CELF4: variants seen among roughly 807,000 people sequenced by gnomAD.
CELF4 encodes CUGBP Elav-like family member 4.
CELF4 carries 18 observed loss-of-function variants against 59.9 expected under a neutral mutation model. The observed-to-expected ratio is 0.30, with a 90% confidence interval of 0.21 to 0.45. CELF4 has a LOEUF of 0.45. Among genes scored for constraint, CELF4 ranks in the 20% least tolerant of loss-of-function variants. The pLI, the probability that CELF4 is intolerant of heterozygous loss-of-function variation, is 1.00. For synonymous variants in CELF4, 261 were observed against 267.1 expected, an observed-to-expected ratio of 0.98 and a Z score of 0.22; for missense variants, 456 against 689.0, an observed-to-expected ratio of 0.66 and a Z score of 3.79.
chr18:37,465,172 G>A (rs2099804594), intron 2 of CELF4, among the ~76,000 whole-genome samples: 1 of 152,114 alleles, frequency 6.6e-6, no homozygotes, highest in Non-Finnish European at 1.5e-5. Flanking sequence ...AATCTTTATT[G>A]CTTATTATAT....
At position 37,565,575 on chromosome 18, in the gene CELF4, G is replaced by A; in HGVS notation, c.67C>T (p.Leu23Phe). 1.9e-6 allele frequency: 3 copies of A among 1,614,096 alleles called. No individual in the cohort carries two copies. Among genetic ancestry groups the A allele is most frequent in the Non-Finnish European group, 2.5e-6 (3 of 1,179,988 alleles). ...CCGGCACTGCCCGGGCTGCTGCCGA[G>A]CCCGTTGGTACTGAGGCTTGCGTTG... ...ADNASLSTNG[L>F]GSSPGSAGHM... The change falls in exon 1 of 13, where the codon CTC becomes TTC. Residue 23 changes from leucine (L) to phenylalanine (F), a missense_variant. Transcript: ENST00000420428.
intron 2 of CELF4, among the ~76,000 whole-genome samples, chr18:37,406,845 T>G (rs1461111309): frequency 6.6e-6 from 1 of 151,718 alleles, no homozygotes; most frequent in Non-Finnish European, 1.5e-5. Context: ...AGGAAAGGTA[T>G]TATGGGGTTG....
At chr18:37,542,562 C>G (rs1567955246) in intron 1 of CELF4, among the ~76,000 whole-genome samples, 1 of 152,226 alleles carries the variant, frequency 6.6e-6, no homozygotes, top group East Asian at 1.9e-4. Flanking sequence ...GGCAGTTAAA[C>G]TCTGTGCCTC....
At chr18:37,563,699 C>A (rs775651778) in intron 1 of CELF4, among the ~76,000 whole-genome samples, 1 of 152,120 alleles carries the variant, frequency 6.6e-6, no homozygotes, top group African/African-American at 2.4e-5. Flanking sequence ...TAAAGGTTGC[C>A]TTCTCTCTCC....
chr18:37,361,497 C>A (rs1026065150), intron 2 of CELF4, among the ~76,000 whole-genome samples: 1 of 152,120 alleles, frequency 6.6e-6, no homozygotes, highest in Non-Finnish European at 1.5e-5. Flanking sequence ...TTTGTGTTAA[C>A]GACTTCCAAA....
chr18:37,482,137 C>G (rs2099869366), intron 2 of CELF4, among the ~76,000 whole-genome samples: 1 of 152,176 alleles, frequency 6.6e-6, no homozygotes, highest in Admixed American at 6.5e-5. Context: ...CCATCCCCAA[C>G]TTGGTGGTCA....
intron 2 of CELF4, among the ~76,000 whole-genome samples, chr18:37,430,227 G>A (rs1037961655): frequency 6.6e-6 from 1 of 152,178 alleles, no homozygotes. Context: ...GCTGAGCACG[G>A]ACTGGGGACC....
intron 2 of CELF4, among the ~76,000 whole-genome samples, chr18:37,425,587 TTC>T (rs2154594592): frequency 6.6e-6 from 1 of 152,342 alleles, no homozygotes; most frequent in East Asian, 1.9e-4. Flanking sequence ...TGCACTGCCT[TTC>T]TATTAAGTCA....
intron 2 of CELF4, among the ~76,000 whole-genome samples, chr18:37,369,852 A>G (rs1278344802): frequency 6.6e-6 from 1 of 152,158 alleles, no homozygotes; most frequent in Non-Finnish European, 1.5e-5. Context: ...ACAGATCCCA[A>G]GAGATATTGC....
chr18:37,561,026 T>C (rs2099986367), intron 1 of CELF4, among the ~76,000 whole-genome samples: 1 of 152,234 alleles, frequency 6.6e-6, no homozygotes, highest in Non-Finnish European at 1.5e-5. Context: ...ATAGTTGAAA[T>C]AGAAGATTGT....
intron 2 of CELF4, among the ~76,000 whole-genome samples, chr18:37,482,232 T>C (rs566027478): frequency 6.6e-6 from 1 of 152,226 alleles, no homozygotes; most frequent in South Asian, 2.1e-4. Context: ...GTTGATGGAT[T>C]GAGAAACTGC....
intron 3 of CELF4, among the ~76,000 whole-genome samples, chr18:37,310,203 C>T (rs1052529808): frequency 6.6e-6 from 1 of 152,056 alleles, no homozygotes; most frequent in Non-Finnish European, 1.5e-5. Flanking sequence ...TAGGATGATG[C>T]AGCTCTCGGG....
chr18:37,437,031 C>T (rs1812642444), intron 2 of CELF4, among the ~76,000 whole-genome samples: 4 of 152,154 alleles, frequency 2.6e-5, no homozygotes, highest in Admixed American at 2.6e-4. Flanking sequence ...CTCACTCACC[C>T]CCTCCCCAGC....
chr18:37,483,838 C>T (rs1378033714), intron 2 of CELF4, among the ~76,000 whole-genome samples: 1 of 152,168 alleles, frequency 6.6e-6, no homozygotes, highest in Non-Finnish European at 1.5e-5. Flanking sequence ...TGATATGTGA[C>T]CTTTAATGTA....
At chr18:37,278,473 G>C (rs1251698395) in intron 3 of CELF4, among the ~76,000 whole-genome samples, 2 of 152,180 alleles carry the variant, frequency 1.3e-5, no homozygotes, top group South Asian at 2.1e-4. Context: ...TTGAGTTTGC[G>C]AGTGGACTTC....
At chr18:37,298,187 A>G (rs1325327439) in intron 3 of CELF4, among the ~76,000 whole-genome samples, 1 of 152,194 alleles carries the variant, frequency 6.6e-6, no homozygotes, top group African/African-American at 2.4e-5. Context: ...GCCCAGGAAT[A>G]TCTTGAGAGT....
At chr18:37,361,173 G>A (rs909402937) in intron 2 of CELF4, among the ~76,000 whole-genome samples, 1 of 152,226 alleles carries the variant, frequency 6.6e-6, no homozygotes, top group Admixed American at 6.5e-5. Flanking sequence ...CCACAAGGGT[G>A]TTGATCTTTG....
intron 2 of CELF4, among the ~76,000 whole-genome samples, chr18:37,395,094 C>T (rs926176853): frequency 8.5e-5 from 13 of 152,106 alleles, no homozygotes; most frequent in South Asian, 4.2e-4. Context: ...TCCTGGGCTT[C>T]GACCACTATT....
Position 37,337,294 on chromosome 18 carries a change from C to A in CELF4, c.370-15413G>T, listed in dbSNP as rs1175820738. Among the ~76,000 whole-genome samples the A allele has an allele frequency of 2.6e-5, 4 of 152,162 alleles. No individual in the cohort carries two copies. The East Asian group carries it at 7.7e-4, about 29-fold the overall frequency. On this transcript the variant is annotated intron_variant, in intron 2 of 12. Coordinates refer to ENST00000420428, the MANE Select transcript of CELF4 (RefSeq NM_020180.4). ...AGACCCACTGCCTCCCATGGTGAGC[C>A]TCACACCCTCCCCTTGAGATTCTCC...
Sources: allele counts gnomAD v4.1 joint callset (sites outside exome capture counted in the v4.1 genomes callset), GRCh38; gene constraint gnomAD v4.1.1; transcripts MANE v1.5; gene names NCBI Gene and HGNC (gene_info 2026-07-23, HGNC 2026-07-21).